NTAN1: variants seen among roughly 807,000 people sequenced by gnomAD.
NTAN1 encodes the protein N-terminal asparagine amidase, also known as protein N-terminal asparagine amidohydrolase.
Under a neutral mutation model 41.9 loss-of-function variants are expected in NTAN1, and 32 were observed. That is an observed-to-expected ratio of 0.76 (90% CI 0.58 to 1.03). The LOEUF (loss-of-function observed/expected upper bound fraction) is 1.03, where lower values mean the gene tolerates loss of function less well. NTAN1 is among the 50% of genes least tolerant of loss of function. The probability of loss-of-function intolerance (pLI) is 0.00; values close to 1 mark genes in which losing one functional copy is unlikely to be tolerated. For synonymous variants in NTAN1, 140 were observed against 139.5 expected (o/e 1.00, Z -0.03); for missense variants, 377 against 377.5 (o/e 1.00, Z 0.01).
Position 15,044,777 on chromosome 16 carries a change from A to C in NTAN1, c.360-370T>G, listed in dbSNP as rs2043977472. 5 of 212,520 alleles carry C rather than the reference A, an allele frequency of 2.4e-5. No homozygotes were observed. In the South Asian group the frequency reaches 4.8e-4, roughly 20 times the overall value. 13.2% of individuals were successfully genotyped at this position (212,520 alleles called of 1,614,324 possible). ...GGTGGGCGGATCACTTGAGGTTAGG[A>C]GTCTTGAGACCAGCCTGGCCAACAT... On this transcript the variant is annotated intron_variant, in intron 4 of 9. Transcript: ENST00000287706.
chr16:15,038,478 G>GA, intron 9 of NTAN1, 96 bp downstream of exon 9: 2 of 728,056 alleles, frequency 2.7e-6, no homozygotes, highest in East Asian at 5.2e-5. Flanking sequence ...CCGCCAAAGG[G>GA]AAAGCAGCTA....
intron 1 of NTAN1, 110 bp from the exon 2 acceptor site, chr16:15,048,209 T>TCC (rs1450086784): frequency 1.4e-6 from 1 of 691,778 alleles, no homozygotes; most frequent in Non-Finnish European, 2.5e-6. Context: ...CGCTAGTGTG[T>TCC]GGGGAGTGTG....
chr16:15,043,012 T>C (rs2043892183), intron 5 of NTAN1, among the ~76,000 whole-genome samples: 1 of 151,976 alleles, frequency 6.6e-6, no homozygotes, highest in South Asian at 2.1e-4. Flanking sequence ...GCGGTTCTCC[T>C]GCCTCAGCCT....
chr16:15,039,867 A>G (rs2043730317), intron 8 of NTAN1, 102 bp downstream of exon 8: 2 of 698,044 alleles, frequency 2.9e-6, no homozygotes, highest in Non-Finnish European at 5.1e-6. Flanking sequence ...GGCTATAAAG[A>G]AGCTGACAGC....
At chr16:15,045,983 C>G (rs1204794777) in intron 4 of NTAN1, 2 of 152,270 alleles carry the variant, frequency 1.3e-5, no homozygotes, top group African/African-American at 4.8e-5. Context: ...CACTGGGCCA[C>G]CAGGTTTGCC....
intron 1 of NTAN1, among the ~76,000 whole-genome samples, chr16:15,051,268 G>C (rs563195703): frequency 1.3e-5 from 2 of 152,350 alleles, no homozygotes; most frequent in African/African-American, 4.8e-5. Context: ...CTTCAACACA[G>C]CTCCTACGAT....
chr16:15,039,997 C>T lies in NTAN1; in HGVS notation c.611G>A (p.Arg204His), dbSNP rs772493910. 8 of 1,609,514 alleles carry T rather than the reference C, an allele frequency of 5.0e-6. No homozygotes were observed. The highest frequency in any genetic ancestry group is 1.7e-5 in the Admixed American group (1 of 59,876). The change falls in exon 8 of 10, where the codon CGT (arginine) becomes CAT (histidine). Residue 204 changes from arginine to histidine, a missense_variant. Transcript: ENST00000287706. ...TCCTCCTGCTAAAGTTCGCGCAGCACGAAGCTGCTCCTCCGGACCCCGATC... is the reference window on the plus strand; with the variant it reads ...TCCTCCTGCTAAAGTTCGCGCAGCATGAAGCTGCTCCTCCGGACCCCGATC... ...FQDRGPEEQL[R>H]AARTLAGGPM...
At chr16:15,045,844 A>G (rs905981583) in intron 4 of NTAN1, 1 of 152,222 alleles carries the variant, frequency 6.6e-6, no homozygotes, top group Non-Finnish European at 1.5e-5. Flanking sequence ...CTGCCTTCTC[A>G]GACACAAAAT....
Position 15,051,698 on chromosome 16 carries a change from ATT to A in NTAN1, c.82-3601_82-3600del, listed in dbSNP as rs61437077. 1.7e-3 allele frequency among the ~76,000 whole-genome samples: 210 copies of A among 122,362 alleles called. 1 individual carries two copies. Among genetic ancestry groups the A allele is most frequent in the Non-Finnish European group, 2.4e-3 (143 of 59,564 alleles). 80.3% of individuals were successfully genotyped at this position (122,362 alleles called of 152,430 possible). ...GTGCCCAGCCTCTACTTTATTTTTA[ATT>A]TTTTTTTTTTTTTTTTTAGAGACAA... On this transcript the variant is annotated intron_variant, in intron 1 of 9. Transcript: ENST00000287706.
Position 15,037,950 on chromosome 16 carries a change from A to C in NTAN1, c.*81T>G. 2 of 974,604 alleles carry C rather than the reference A, an allele frequency of 2.1e-6. No individual in the cohort carries two copies. Among genetic ancestry groups the C allele is most frequent in the Admixed American group, 4.3e-5 (2 of 46,264 alleles). The allele number at this position is 974,604 out of a possible 1,614,324, so 60.4% of individuals were successfully genotyped here. On this transcript the variant is annotated 3_prime_UTR_variant, in exon 10 of 10. Transcript: ENST00000287706. ...AGGAGGCCTAAGACCCAACAGATGT[A>C]GGATCCAGATCTGGATTCGTGCCAG...
chr16:15,038,458 A>AAGTT (rs1427490419), intron 9 of NTAN1, 116 bp downstream of exon 9: 2 of 665,064 alleles, frequency 3.0e-6, no homozygotes, highest in East Asian at 2.7e-5. Context: ...GGCATCCAAA[A>AAGTT]AGTTACTACC....
rs186928639 is a variant in NTAN1, at chr16:15,047,831, T to A, written c.250+24A>T. On this transcript the variant is annotated intron_variant, in intron 3 of 9. Coordinates refer to ENST00000287706, the MANE Select transcript of NTAN1 (RefSeq NM_173474.4). ...AAGGTTGGGTCAGTTTAAGTAATGG[T>A]TTCCTTCACCTCTCTCATCATACCT... 315 of 1,590,612 alleles carry A rather than the reference T, an allele frequency of 2.0e-4. 2 individuals are homozygous for A. In the African/African-American group the frequency reaches 3.8e-3, roughly 19 times the overall value.
intron 1 of NTAN1, among the ~76,000 whole-genome samples, chr16:15,049,790 A>G (rs966628885): frequency 3.3e-5 from 5 of 152,256 alleles, no homozygotes; most frequent in African/African-American, 1.2e-4. Flanking sequence ...AATTGGGCAC[A>G]GAACCAAGTC....
intron 8 of NTAN1, 51 bp from the exon 9 acceptor site, chr16:15,038,738 C>A: frequency 1.0e-6 from 1 of 971,818 alleles, no homozygotes; most frequent in Non-Finnish European, 1.6e-6. Context: ...ACCCACTTTT[C>A]AAACCCTCCC....
chr16:15,038,300 CAAATATATATAATAA>C, intron 9 of NTAN1, 90 bp from the exon 10 acceptor site: 2 of 901,774 alleles, frequency 2.2e-6, no homozygotes, highest in South Asian at 1.7e-5. Context: ...TTCTTGGACA[CAAATATATATAATAA>C]AATACGTTAA....
At position 15,047,848 on chromosome 16, in the gene NTAN1, A is replaced by G; in HGVS notation, c.250+7T>C. Reference sequence around the variant, plus strand: ...AGTAATGGTTTCCTTCACCTCTCTCATCATACCTGTGTGCCTCAGGACCAC... The same window carrying G: ...AGTAATGGTTTCCTTCACCTCTCTCGTCATACCTGTGTGCCTCAGGACCAC... On this transcript the variant is annotated splice_region_variant and intron_variant, in intron 3 of 9. Transcript: ENST00000287706. The G allele has an allele frequency of 6.2e-7, 1 of 1,608,812 alleles. No individual in the cohort carries two copies. The highest frequency in any genetic ancestry group is 8.5e-7 in the Non-Finnish European group (1 of 1,175,124).
At chr16:15,046,663 C>T (rs995834771) in intron 4 of NTAN1, among the ~76,000 whole-genome samples, 19 of 143,702 alleles carry the variant, frequency 1.3e-4, no homozygotes, top group Admixed American at 7.4e-4. Flanking sequence ...AGTTTAAGAC[C>T]GGCCTGGGCA....
intron 1 of NTAN1, among the ~76,000 whole-genome samples, 188 bp from the exon 2 acceptor site, chr16:15,048,287 G>C (rs1224590099): frequency 2.0e-5 from 3 of 152,204 alleles, no homozygotes; most frequent in Admixed American, 1.3e-4. Flanking sequence ...CAGAGAAAAC[G>C]ATGCGGTTCT....
chr16:15,055,418 C>T (rs912568542), intron 1 of NTAN1, among the ~76,000 whole-genome samples: 1 of 152,228 alleles, frequency 6.6e-6, no homozygotes, highest in Admixed American at 6.5e-5. Flanking sequence ...TGGGGGTCCC[C>T]GCCAAGATCC....
Sources: allele counts gnomAD v4.1 joint callset (sites outside exome capture counted in the v4.1 genomes callset), GRCh38; gene constraint gnomAD v4.1.1; transcripts MANE v1.5; gene names NCBI Gene and HGNC (gene_info 2026-07-23, HGNC 2026-07-21).